The following CD180 variants were observed in gnomAD, a reference collection of about 807,000 sequenced individuals.
CD180 encodes the protein CD180 molecule.
Under a neutral mutation model 10.7 loss-of-function variants are expected in CD180, and 11 were observed. The ratio of observed to expected loss-of-function variants is 1.03; its 90% confidence interval spans 0.65 to 1.70. The LOEUF is 1.70. Among genes scored for constraint, CD180 ranks in the 40% most tolerant of loss-of-function variants. CD180 has a pLI of 0.00. For missense variants in CD180, 729 were observed against 775.2 expected, an observed-to-expected ratio of 0.94 and a Z score of 0.71; for synonymous variants, 286 against 294.6, an observed-to-expected ratio of 0.97 and a Z score of 0.30.
In CD180 at chr5:67,185,995, TTA is replaced by T. The variant is rs1742186675; in HGVS notation, c.111_112del (p.Tyr37Ter). 1 of 1,594,054 alleles carries T rather than the reference TTA, an allele frequency of 6.3e-7. No individual in the cohort carries two copies. Among genetic ancestry groups the T allele is most frequent in the Non-Finnish European group, 8.5e-7 (1 of 1,171,076 alleles). On this transcript the variant is annotated stop_gained and frameshift_variant, in exon 2 of 3. Transcript: ENST00000256447. LOFTEE classifies it high-confidence loss of function. ...TTCACTGAGACCTAAATTTTCACAGTTATATGTTTTGTTGGCTTCTTTCTGAT... is the reference window on the plus strand; with the variant it reads ...TTCACTGAGACCTAAATTTTCACAGTTATGTTTTGTTGGCTTCTTTCTGAT...
At chr5:67,196,433 C>A in intron 1 of CD180, 119 bp downstream of exon 1, 3 of 899,798 alleles carry the variant, frequency 3.3e-6, no homozygotes, top group South Asian at 3.4e-5. Context: ...ATATATACAC[C>A]TTATTTCCTT....
At chr5:67,189,458 G>A (rs926447984) in intron 1 of CD180, among the ~76,000 whole-genome samples, 1 of 152,206 alleles carries the variant, frequency 6.6e-6, no homozygotes, top group African/African-American at 2.4e-5. Context: ...GCCACCATAA[G>A]CCTGTGCCAT....
Position 67,184,261 on chromosome 5 carries a change from C to A in CD180, c.582G>T (p.Arg194Ser). 6.2e-7 allele frequency: 1 copy of A among 1,613,914 alleles called. No individual in the cohort carries two copies. Among genetic ancestry groups the A allele is most frequent in the Admixed American group, 1.7e-5 (1 of 60,020 alleles). ...TTAGGTTGATGGCCTGCTCCAGAGA[C>A]CTCATGTCTTCTCTAGAGATGTAGT... ...AIHYISREDM[R>S]SLEQAINLSL... The change falls in exon 3 of 3, where the codon AGG (arginine) becomes AGT (serine). Residue 194 changes from arginine to serine, a missense_variant. By Grantham distance (110) the Arg-to-Ser change is moderately radical. Transcript: ENST00000256447.
intron 1 of CD180, among the ~76,000 whole-genome samples, chr5:67,188,168 C>CAA (rs199809685): frequency 3.3e-4 from 49 of 146,342 alleles, no homozygotes; most frequent in African/African-American, 1.2e-3. Context: ...GACTCTGCCT[C>CAA]AAAAAGAAAA....
At chr5:67,185,564 G>A (rs1162656235) in intron 2 of CD180, among the ~76,000 whole-genome samples, 1 of 152,110 alleles carries the variant, frequency 6.6e-6, no homozygotes, top group East Asian at 1.9e-4. Context: ...TTTGGCATCT[G>A]ATTTAGTACA....
At chr5:67,191,016 C>T (rs753833551) in intron 1 of CD180, 153 of 985,284 alleles carry the variant, frequency 1.6e-4, no homozygotes, top group Non-Finnish European at 1.7e-4. Context: ...TGACCTCCAA[C>T]GCTTCCTCAT....
chr5:67,185,907 T>C lies in CD180; in HGVS notation c.201A>G (p.Thr67=). The C allele has an allele frequency of 1.2e-6, 2 of 1,611,906 alleles. No individual in the cohort carries two copies. The highest frequency in any genetic ancestry group is 1.7e-6 in the Non-Finnish European group (2 of 1,178,782). ...FLEFSFNFLP[T]IHNRTFSRLM... is the part of the protein sequence containing the mutation. Reference sequence around the variant, plus strand: ...GTCTGCTGAAGGTTCTATTGTGAATTGTAGGCAAAAAATTAAAGCTGAATT... The same window carrying C: ...GTCTGCTGAAGGTTCTATTGTGAATCGTAGGCAAAAAATTAAAGCTGAATT... The change falls in exon 2 of 3, where the codon ACA becomes ACG. Residue 67 remains threonine, a synonymous_variant. Transcript: ENST00000256447.
chr5:67,186,848 C>CTGTGTGTGTG (rs56004314), intron 1 of CD180, among the ~76,000 whole-genome samples: 2,731 of 146,768 alleles, frequency 0.019, 87 homozygotes, highest in African/African-American at 0.063. Context: ...TTTGTTCTAT[C>CTGTGTGTGTG]TGTGTGTGTG....
intron 1 of CD180, among the ~76,000 whole-genome samples, chr5:67,192,619 C>T (rs1172121089): frequency 1.3e-5 from 2 of 152,028 alleles, no homozygotes; most frequent in Non-Finnish European, 2.9e-5. Flanking sequence ...AGGTGCCACT[C>T]TTTTCAATGA....
In CD180 at chr5:67,191,019, T is replaced by TTCC. The variant is rs551956296; in HGVS notation, c.91-5005_91-5003dup. The TTCC allele has an allele frequency of 6.5e-5, 64 of 985,338 alleles. 1 individual carries two copies. In the South Asian group the frequency reaches 2.3e-3, roughly 36 times the overall value. The allele number at this position is 985,338 out of a possible 1,614,324, so 61.0% of individuals were successfully genotyped here. A position where few individuals can be genotyped will look rare whatever the true frequency, so the allele number is the denominator to read the frequency against. Reference sequence around the variant, plus strand: ...AGTCTGGGACACTGACCTCCAACGCTTCCTCATTAAGCATGCCTCCATCCA... The same window carrying TTCC: ...AGTCTGGGACACTGACCTCCAACGCTTCCTCCTCATTAAGCATGCCTCCATCCA... On this transcript the variant is annotated intron_variant, in intron 1 of 2. Coordinates refer to ENST00000256447, the MANE Select transcript of CD180 (RefSeq NM_005582.3).
At chr5:67,185,132 G>A (rs576884692) in intron 2 of CD180, among the ~76,000 whole-genome samples, 2 of 136,290 alleles carry the variant, frequency 1.5e-5, no homozygotes, top group East Asian at 2.3e-4. Flanking sequence ...ATGATACTAC[G>A]CACCATGGAA....
intron 1 of CD180, among the ~76,000 whole-genome samples, chr5:67,192,172 G>C (rs977920379): frequency 6.6e-6 from 1 of 151,996 alleles, no homozygotes; most frequent in Non-Finnish European, 1.5e-5. Context: ...GGGCGGATCA[G>C]GAGGTCAGGA....
chr5:67,184,283 T>C lies in CD180; in HGVS notation c.560A>G (p.Tyr187Cys). The change falls in exon 3 of 3, where the codon TAC (tyrosine) becomes TGC (cysteine). Residue 187 changes from tyrosine (Y) to cysteine (C), a missense_variant. Physicochemically the swap from Tyr to Cys is radical, Grantham distance 194. Coordinates refer to ENST00000256447, the MANE Select transcript of CD180 (RefSeq NM_005582.3). ...AGACCTCATGTCTTCTCTAGAGATG[T>C]AGTGTATAGCATTATTCTGAAAATC... ...VLDFQNNAIH[Y>C]ISREDMRSLE... 6.2e-7 allele frequency: 1 copy of C among 1,614,052 alleles called. No individual in the cohort carries two copies. The highest frequency in any genetic ancestry group is 8.5e-7 in the Non-Finnish European group (1 of 1,179,926).
At chr5:67,196,066 G>C (rs913369627) in intron 1 of CD180, among the ~76,000 whole-genome samples, 1 of 152,194 alleles carries the variant, frequency 6.6e-6, no homozygotes, top group Non-Finnish European at 1.5e-5. Context: ...AAAACAGATG[G>C]AAGGCTGTCC....
intron 1 of CD180, among the ~76,000 whole-genome samples, chr5:67,188,387 T>C (rs1651517956): frequency 6.6e-6 from 1 of 152,182 alleles, no homozygotes; most frequent in African/African-American, 2.4e-5. Flanking sequence ...GGAAACCGAC[T>C]AAGACAGTGA....
intron 2 of CD180, 60 bp downstream of exon 2, chr5:67,185,791 C>A: frequency 7.6e-7 from 1 of 1,314,806 alleles, no homozygotes; most frequent in Non-Finnish European, 1.0e-6. Context: ...ATAAATTAAG[C>A]ACATACTGTA....
At position 67,185,446 on chromosome 5, in the gene CD180, A is replaced by T. The variant is rs375087599; in HGVS notation, c.257+405T>A. On this transcript the variant is annotated intron_variant, in intron 2 of 2. Coordinates refer to ENST00000256447, the MANE Select transcript of CD180 (RefSeq NM_005582.3). ...TATGCCACTATAACAAAATAATGGA[A>T]CTCATTTTCCAATTTGTAGGGGGGA... Among the ~76,000 whole-genome samples the T allele has an allele frequency of 1.2e-4, 18 of 152,110 alleles. No homozygotes were observed. In the East Asian group the frequency reaches 2.5e-3, roughly 21 times the overall value.
At chr5:67,193,818 G>T (rs1441308876) in intron 1 of CD180, among the ~76,000 whole-genome samples, 1 of 152,238 alleles carries the variant, frequency 6.6e-6, no homozygotes, top group East Asian at 1.9e-4. Context: ...TCCCGCTGAT[G>T]CAAGGATTTC....
rs778906167 is a variant in CD180 at position 67,182,709 on chromosome 5, T to G, written c.*148A>C. 9.0e-5 allele frequency: 56 copies of G among 619,858 alleles called. No individual in the cohort carries two copies. The highest frequency in any genetic ancestry group is 1.2e-4 in the Non-Finnish European group (45 of 362,702). The allele number at this position is 619,858 out of a possible 1,614,324, so 38.4% of individuals were successfully genotyped here. A position where few individuals can be genotyped will look rare whatever the true frequency, so the allele number is the denominator to read the frequency against. On this transcript the variant is annotated 3_prime_UTR_variant, in exon 3 of 3. Transcript: ENST00000256447. ...TCTTTAGCTCTGGGACTCACAGGAG[T>G]AAGAAGCTCAGAAAAGCACAGTGAG...
Sources: allele counts gnomAD v4.1 joint callset (sites outside exome capture counted in the v4.1 genomes callset), GRCh38; gene constraint gnomAD v4.1.1; transcripts MANE v1.5; gene names NCBI Gene and HGNC (gene_info 2026-07-23, HGNC 2026-07-21).